The following PTCHD4 variants were observed in gnomAD, a reference collection of about 807,000 sequenced individuals.
PTCHD4 encodes patched domain containing 4, also known as patched domain-containing protein 4.
PTCHD4 carries 33 observed loss-of-function variants against 58.1 expected under a neutral mutation model. The ratio of observed to expected loss-of-function variants is 0.57; its 90% confidence interval spans 0.43 to 0.76. The LOEUF (loss-of-function observed/expected upper bound fraction) is 0.76. Ranked by LOEUF, PTCHD4 falls within the 30% of genes least tolerant of loss-of-function variation. PTCHD4 has a pLI of 0.00. For synonymous variants in PTCHD4, 478 were observed against 409.6 expected, an observed-to-expected ratio of 1.17 and a Z score of -2.02; for missense variants, 1,058 against 1,027.1, an observed-to-expected ratio of 1.03 and a Z score of -0.41.
intron 3 of PTCHD4, among the ~76,000 whole-genome samples, chr6:48,018,171 C>T (rs1277802699): frequency 3.3e-5 from 5 of 152,180 alleles, no homozygotes; most frequent in Admixed American, 2.0e-4. Flanking sequence ...GTGGAAAGAA[C>T]ATAGGGCACA....
At chr6:47,960,961 T>A (rs1401522920) in intron 4 of PTCHD4, among the ~76,000 whole-genome samples, 70 of 147,382 alleles carry the variant, frequency 4.7e-4, no homozygotes, top group African/African-American at 1.2e-3. Context: ...CCTTTTTTTT[T>A]TAAAAAAAAA....
In PTCHD4 at chr6:47,869,012, G is replaced by A. The variant is rs563384695; in HGVS notation, c.*9291C>T. 2.8e-4 allele frequency among the ~76,000 whole-genome samples: 43 copies of A among 151,640 alleles called. No individual in the cohort carries two copies. The highest frequency in any genetic ancestry group is 9.7e-4 in the African/African-American group (40 of 41,428). ...GACTTCTTTGGTCTCCTCATCATAC[G>A]TCAATAATGAGGAGAGCTTTGCAAT... On this transcript the variant is annotated 3_prime_UTR_variant, in exon 5 of 5. Coordinates refer to ENST00000339488, the MANE Select transcript of PTCHD4 (RefSeq NM_001384253.1).
intron 4 of PTCHD4, among the ~76,000 whole-genome samples, chr6:47,943,497 G>C (rs895963822): frequency 1.3e-5 from 2 of 152,088 alleles, no homozygotes; most frequent in African/African-American, 4.8e-5. Flanking sequence ...GTGAAGGGTG[G>C]AAAGTTATTG....
At chr6:47,960,669 C>A (rs1361352091) in intron 4 of PTCHD4, among the ~76,000 whole-genome samples, 2 of 151,718 alleles carry the variant, frequency 1.3e-5, no homozygotes, top group African/African-American at 4.8e-5. Context: ...TAATAATCCT[C>A]CTAATAATAA....
At chr6:48,099,275 C>T (rs1330056381) in intron 1 of PTCHD4, among the ~76,000 whole-genome samples, 3 of 152,174 alleles carry the variant, frequency 2.0e-5, no homozygotes, top group Admixed American at 6.5e-5. Flanking sequence ...CAGTTGCTAG[C>T]GTGCTGGACA....
chr6:47,879,734 G>T lies in PTCHD4; in HGVS notation c.1101C>A (p.Asn367Lys). 6.2e-7 allele frequency: 1 copy of T among 1,613,674 alleles called. No homozygotes were observed. The highest frequency in any genetic ancestry group is 8.5e-7 in the Non-Finnish European group (1 of 1,179,756). ...NIEAVKVFCQ[N>K]MCVSILLNYF... The stretch of plus-strand genomic sequence containing the variant: ...AGTTCAACAGAATAGAGACACACAT[G>T]TTTTGACAGAAGACCTTCACAGCCT... The change falls in exon 5 of 5, where the codon AAC becomes AAA. Residue 367 changes from asparagine (N) to lysine (K), a missense_variant. Asn to Lys is a moderately conservative substitution (Grantham distance 94). Coordinates refer to ENST00000339488, the MANE Select transcript of PTCHD4 (RefSeq NM_001384253.1).
chr6:47,991,933 A>G (rs564758833), intron 4 of PTCHD4, among the ~76,000 whole-genome samples: 42 of 152,222 alleles, frequency 2.8e-4, no homozygotes, highest in African/African-American at 9.6e-4. Flanking sequence ...TGAGACAACT[A>G]GAAAGCAAAA....
chr6:47,862,181 C>A lies in PTCHD4; in HGVS notation c.*16122G>T, dbSNP rs1763445925. On this transcript the variant is annotated 3_prime_UTR_variant, in exon 5 of 5. Transcript: ENST00000339488. ...TATGACCAAGTTGGCCTTTAGGAGG[C>A]CTGATGGATTTTTAATGAATTATCG... Among the ~76,000 whole-genome samples, 1 of 151,452 alleles carries A rather than the reference C, an allele frequency of 6.6e-6. No individual in the cohort carries two copies. The highest frequency in any genetic ancestry group is 2.4e-5 in the African/African-American group (1 of 41,306).
Position 47,867,986 on chromosome 6 carries a change from T to G in PTCHD4, c.*10317A>C, listed in dbSNP as rs2114072258. Among the ~76,000 whole-genome samples the G allele has an allele frequency of 6.6e-6, 1 of 151,900 alleles. No individual in the cohort carries two copies. The highest frequency in any genetic ancestry group is 2.1e-4 in the South Asian group (1 of 4,830). ...TGATCCTAAAATGGGACTGAATTTC[T>G]AGTTCTATCTTTTTAAAGAGTAACA... On this transcript the variant is annotated 3_prime_UTR_variant, in exon 5 of 5. Transcript: ENST00000339488.
chr6:48,064,569 C>A (rs1031713729), intron 3 of PTCHD4, among the ~76,000 whole-genome samples: 9 of 151,940 alleles, frequency 5.9e-5, no homozygotes, highest in East Asian at 3.9e-4. Flanking sequence ...AAAAAAATAG[C>A]CCCTAAATAT....
intron 4 of PTCHD4, among the ~76,000 whole-genome samples, chr6:47,889,846 T>A (rs886412293): frequency 3.3e-5 from 5 of 151,572 alleles, no homozygotes; most frequent in Admixed American, 2.6e-4. Context: ...AAGACAAAAT[T>A]GACAAATGGG....
At chr6:47,906,230 A>C (rs1433683566) in intron 4 of PTCHD4, among the ~76,000 whole-genome samples, 2 of 152,212 alleles carry the variant, frequency 1.3e-5, no homozygotes, top group Non-Finnish European at 2.9e-5. Context: ...ATATTAGTTA[A>C]ACCAAAAAAT....
intron 3 of PTCHD4, among the ~76,000 whole-genome samples, chr6:48,049,425 T>C (rs1401646998): frequency 6.6e-6 from 1 of 151,982 alleles, no homozygotes; most frequent in Non-Finnish European, 1.5e-5. Flanking sequence ...TAGCCTACCT[T>C]GCCTAGCTCT....
At chr6:48,059,880 C>A (rs962804821) in intron 3 of PTCHD4, among the ~76,000 whole-genome samples, 3 of 152,188 alleles carry the variant, frequency 2.0e-5, no homozygotes, top group Non-Finnish European at 4.4e-5. Flanking sequence ...CATTAACCCA[C>A]CCCTGTGTGT....
At chr6:48,058,892 C>G (rs896851024) in intron 3 of PTCHD4, among the ~76,000 whole-genome samples, 1 of 152,110 alleles carries the variant, frequency 6.6e-6, no homozygotes, top group Admixed American at 6.5e-5. Context: ...ATTACACTTA[C>G]TAAGGAATTA....
At chr6:48,023,279 CT>C in intron 3 of PTCHD4, among the ~76,000 whole-genome samples, 1 of 152,022 alleles carries the variant, frequency 6.6e-6, no homozygotes, top group South Asian at 2.1e-4. Flanking sequence ...ATATGGTAAC[CT>C]TAATAAGTCC....
At chr6:48,002,204 G>A (rs532894460) in intron 4 of PTCHD4, among the ~76,000 whole-genome samples, 12 of 152,154 alleles carry the variant, frequency 7.9e-5, no homozygotes, top group East Asian at 1.9e-4. Context: ...TCGGTGTGGC[G>A]ATTCCTCAGG....
chr6:48,019,824 T>C (rs374938798), intron 3 of PTCHD4, among the ~76,000 whole-genome samples: 179 of 152,128 alleles, frequency 1.2e-3, no homozygotes, highest in African/African-American at 4.1e-3. Context: ...CCTAACTTAG[T>C]GGGTACTAAG....
At chr6:47,880,465 T>C (rs1028157998) in intron 4 of PTCHD4, among the ~76,000 whole-genome samples, 3 of 152,134 alleles carry the variant, frequency 2.0e-5, no homozygotes, top group Non-Finnish European at 4.4e-5. Flanking sequence ...ATAATCTCCT[T>C]GGTGGCCAAA....
Sources: allele counts gnomAD v4.1 joint callset (sites outside exome capture counted in the v4.1 genomes callset), GRCh38; gene constraint gnomAD v4.1.1; transcripts MANE v1.5; gene names NCBI Gene and HGNC (gene_info 2026-07-23, HGNC 2026-07-21).